Variants in TMEM132D observed in about 807,000 individuals in gnomAD.
TMEM132D encodes the protein transmembrane protein 132D, also known as mature OL transmembrane protein.
In TMEM132D, 21 loss-of-function variants were observed where a neutral mutation model predicts 62.3. The ratio of observed to expected loss-of-function variants is 0.34; its 90% CI spans 0.24 to 0.49. TMEM132D has a LOEUF of 0.49. TMEM132D is among the 20% of genes least tolerant of loss of function. The pLI is 0.99. For missense variants in TMEM132D, 1,346 were observed against 1,402.8 expected (o/e 0.96, Z 0.65); for synonymous variants, 621 against 575.6 (o/e 1.08, Z -1.13).
At chr12:129,521,554 G>T (rs1373903065) in intron 3 of TMEM132D, 1 of 152,118 alleles carries the variant, frequency 6.6e-6, no homozygotes, top group African/African-American at 2.4e-5. Flanking sequence ...AGGTAACCAG[G>T]TACTTCGTAA....
intron 3 of TMEM132D, among the ~76,000 whole-genome samples, chr12:129,347,435 C>T (rs954354315): frequency 3.9e-5 from 6 of 152,122 alleles, no homozygotes; most frequent in African/African-American, 9.7e-5. Flanking sequence ...CTTCAACACA[C>T]CTGACAAAAA....
At chr12:129,679,132 GT>G (rs901521503) in intron 2 of TMEM132D, among the ~76,000 whole-genome samples, 56 of 151,518 alleles carry the variant, frequency 3.7e-4, no homozygotes, top group African/African-American at 1.2e-3. Flanking sequence ...AAAAAACCTA[GT>G]TTTTTTTTTT....
chr12:129,713,654 A>G (rs1014381803), intron 1 of TMEM132D, among the ~76,000 whole-genome samples: 1 of 152,180 alleles, frequency 6.6e-6, no homozygotes, highest in Admixed American at 6.6e-5. Context: ...TGTGGGTGAG[A>G]GGCAGGTGTG....
At chr12:129,216,832 C>T (rs1163633490) in intron 4 of TMEM132D, among the ~76,000 whole-genome samples, 4 of 152,182 alleles carry the variant, frequency 2.6e-5, no homozygotes. Flanking sequence ...CTCATTCTAA[C>T]CATTGATTTC....
chr12:129,877,015 G>A (rs114908392), intron 1 of TMEM132D, among the ~76,000 whole-genome samples: 1,790 of 152,220 alleles, frequency 0.012, 35 homozygotes, highest in African/African-American at 0.04. Flanking sequence ...GATGCAGAGC[G>A]TGGGAATGGA....
Position 129,903,264 on chromosome 12 carries a change from T to A in TMEM132D, c.76A>T (p.Lys26Ter). The A allele has an allele frequency of 6.4e-7, 1 of 1,552,742 alleles. No homozygotes were observed. The highest frequency in any genetic ancestry group is 8.7e-7 in the Non-Finnish European group (1 of 1,147,674). The change falls in exon 1 of 9, where the codon AAA (lysine) becomes TAA (stop). Residue 26 changes from lysine (K) to a stop codon, truncating the protein, a stop_gained. Transcript: ENST00000422113. LOFTEE classifies it high-confidence loss of function. This position sits in a 1 kb window ranked among gnomAD's most constrained non-coding sequence, Gnocchi z 6.2. The stretch of plus-strand genomic sequence containing the variant: ...CTGGCGGCCGCGGCGTCCTCACCTT[T>A]GGAAAACAGGGCGGCCAGGCTGATG... ...VLISLAALFS[K>*]VTEGRGILES...
chr12:129,078,452 C>T (rs1292041558), intron 8 of TMEM132D, 82 bp downstream of exon 8: 1 of 1,423,132 alleles, frequency 7.0e-7, no homozygotes, highest in Non-Finnish European at 9.6e-7. Flanking sequence ...ATTGTGCGAC[C>T]CGCCTGGCGT....
At chr12:129,879,483 C>T (rs111474938) in intron 1 of TMEM132D, among the ~76,000 whole-genome samples, 4 of 152,206 alleles carry the variant, frequency 2.6e-5, no homozygotes, top group South Asian at 2.1e-4. Flanking sequence ...AACCAATTAG[C>T]GTGAAATCAA....
rs374155714 is a variant in TMEM132D at position 129,666,648 on chromosome 12, C to T, written c.968+33162G>A. 1.5e-3 allele frequency among the ~76,000 whole-genome samples: 235 copies of T among 152,250 alleles called. 2 individuals are homozygous for T. In the South Asian group the frequency reaches 0.021, roughly 14 times the overall value. On this transcript the variant is annotated intron_variant, in intron 2 of 8. Transcript: ENST00000422113. ...CTGGGGACCTGTGGATAGCCACGCC[C>T]GTAGCTATGCTGAAAACAGTCAGAC...
chr12:129,646,318 G>A (rs1267380348), intron 2 of TMEM132D, among the ~76,000 whole-genome samples: 1 of 152,170 alleles, frequency 6.6e-6, no homozygotes, highest in South Asian at 2.1e-4. Context: ...GGGCGATGCA[G>A]TATGTCCAAG....
At chr12:129,083,199 G>A (rs1874508989) in intron 6 of TMEM132D, among the ~76,000 whole-genome samples, 1 of 152,212 alleles carries the variant, frequency 6.6e-6, no homozygotes, top group Admixed American at 6.5e-5. Context: ...CCAAGGTGAG[G>A]CCAAATGTGA....
chr12:129,134,116 TTGTGTG>T (rs141367054), intron 5 of TMEM132D, among the ~76,000 whole-genome samples: 1 of 144,476 alleles, frequency 6.9e-6, no homozygotes, highest in South Asian at 2.1e-4. Flanking sequence ...TGTCTGTGTG[TTGTGTG>T]TGTGTGTGTG....
At chr12:129,489,736 T>C (rs1411618923) in intron 3 of TMEM132D, among the ~76,000 whole-genome samples, 3 of 152,280 alleles carry the variant, frequency 2.0e-5, no homozygotes, top group Admixed American at 6.5e-5. Flanking sequence ...AATGAGTTCA[T>C]AATTACTGAT....
intron 2 of TMEM132D, among the ~76,000 whole-genome samples, chr12:129,560,835 T>G (rs904804548): frequency 5.9e-5 from 9 of 152,196 alleles, no homozygotes; most frequent in Non-Finnish European, 1.0e-4. Flanking sequence ...TTGGAGAAGA[T>G]GAAACTTTCA....
chr12:129,343,659 C>G (rs763775886), intron 3 of TMEM132D, among the ~76,000 whole-genome samples: 8 of 152,100 alleles, frequency 5.3e-5, no homozygotes, highest in Non-Finnish European at 7.4e-5. Flanking sequence ...TGCCTGTAAT[C>G]CCAGCACTTT....
intron 3 of TMEM132D, among the ~76,000 whole-genome samples, chr12:129,492,044 T>C (rs972066196): frequency 6.6e-6 from 1 of 152,194 alleles, no homozygotes; most frequent in Non-Finnish European, 1.5e-5. Context: ...GCATTATGAA[T>C]TGGGTTTGTT....
intron 3 of TMEM132D, among the ~76,000 whole-genome samples, chr12:129,364,361 G>T (rs1870341326): frequency 6.6e-6 from 1 of 152,146 alleles, no homozygotes; most frequent in South Asian, 2.1e-4. Context: ...AGTTCATGTG[G>T]TACATCTTTA....
chr12:129,241,851 A>G (rs1361382925), intron 4 of TMEM132D, among the ~76,000 whole-genome samples: 2 of 152,228 alleles, frequency 1.3e-5, no homozygotes, highest in Non-Finnish European at 2.9e-5. Flanking sequence ...GGAGATTATC[A>G]AAAATACTTG....
intron 2 of TMEM132D, among the ~76,000 whole-genome samples, chr12:129,693,267 G>A (rs1055479494): frequency 1.3e-5 from 2 of 152,078 alleles, no homozygotes; most frequent in African/African-American, 2.4e-5. Flanking sequence ...GGGAAAATTT[G>A]AGCAACAAAA....
Sources: allele counts gnomAD v4.1 joint callset (sites outside exome capture counted in the v4.1 genomes callset), GRCh38; gene constraint gnomAD v4.1.1; non-coding constraint Gnocchi (gnomAD v3.1); transcripts MANE v1.5; gene names NCBI Gene and HGNC (gene_info 2026-07-23, HGNC 2026-07-21).